TIPARP: variants seen among roughly 807,000 people sequenced by gnomAD.
TIPARP encodes the protein TCDD inducible poly(ADP-ribose) polymerase.
TIPARP carries 12 observed loss-of-function variants against 56.5 expected under a neutral mutation model. The ratio of observed to expected loss-of-function variants is 0.21; its 90% confidence interval spans 0.14 to 0.34. The LOEUF is 0.34. Among genes scored for constraint, TIPARP ranks in the 10% least tolerant of loss-of-function variants. The probability of loss-of-function intolerance (pLI) is 1.00; values close to 1 mark genes in which losing one functional copy is unlikely to be tolerated. For synonymous variants in TIPARP, 296 were observed against 265.7 expected, an observed-to-expected ratio of 1.11 and a Z score of -1.11; for missense variants, 604 against 781.6, an observed-to-expected ratio of 0.77 and a Z score of 2.71.
intron 4 of TIPARP, among the ~76,000 whole-genome samples, chr3:156,702,536 T>G (rs1037605217): frequency 6.6e-6 from 1 of 152,206 alleles, no homozygotes; most frequent in African/African-American, 2.4e-5. Flanking sequence ...TTGGCACACA[T>G]TATTACTTCC....
At chr3:156,679,338 T>C (rs141082327) in intron 2 of TIPARP, among the ~76,000 whole-genome samples, 140 of 152,322 alleles carry the variant, frequency 9.2e-4, no homozygotes, top group African/African-American at 3.3e-3. Context: ...CTCAGTTCTT[T>C]TAGTATGGAT....
At chr3:156,683,985 TA>T (rs1197365400) in intron 2 of TIPARP, among the ~76,000 whole-genome samples, 2 of 152,234 alleles carry the variant, frequency 1.3e-5, no homozygotes, top group Non-Finnish European at 2.9e-5. Flanking sequence ...CTCTTAACCT[TA>T]GCCAACAACC....
chr3:156,680,270 C>T (rs1464614641), intron 2 of TIPARP, among the ~76,000 whole-genome samples: 4 of 152,118 alleles, frequency 2.6e-5, no homozygotes, highest in African/African-American at 7.2e-5. Context: ...TAGTGAAAAT[C>T]TTATAATACA....
chr3:156,682,134 G>A (rs1368656079), intron 2 of TIPARP, among the ~76,000 whole-genome samples: 6 of 152,146 alleles, frequency 3.9e-5, no homozygotes, highest in Non-Finnish European at 5.9e-5. Context: ...ATTTTAAATT[G>A]AGCCAGAACA....
rs1010888997 is a variant in TIPARP, at chr3:156,677,645, C to A, written c.-41-12C>A. The A allele has an allele frequency of 1.4e-6, 2 of 1,481,264 alleles. No individual in the cohort carries two copies. The highest frequency in any genetic ancestry group is 4.7e-5 in the Admixed American group (2 of 42,970). The allele number at this position is 1,481,264 out of a possible 1,614,324, so 91.8% of individuals were successfully genotyped here. A position where few individuals can be genotyped will look rare whatever the true frequency, so the allele number is the denominator to read the frequency against. The stretch of plus-strand genomic sequence containing the variant: ...AGTTTGTAAATGATCATCTTCCTTC[C>A]TTTCCTCGTAGGATTTTTAGACTCT... On this transcript the variant is annotated splice_polypyrimidine_tract_variant and intron_variant, in intron 1 of 5. Transcript: ENST00000295924.
At chr3:156,699,912 T>C (rs1020381358) in intron 4 of TIPARP, among the ~76,000 whole-genome samples, 3 of 152,112 alleles carry the variant, frequency 2.0e-5, no homozygotes, top group Non-Finnish European at 4.4e-5. Flanking sequence ...AATGCAGTGA[T>C]CCTATCTACC....
intron 2 of TIPARP, among the ~76,000 whole-genome samples, chr3:156,682,803 T>G (rs1038472202): frequency 2.0e-5 from 3 of 152,254 alleles, no homozygotes; most frequent in Non-Finnish European, 4.4e-5. Context: ...TAAATTTATT[T>G]TAAAAATTTC....
At chr3:156,682,717 A>C (rs1271383193) in intron 2 of TIPARP, among the ~76,000 whole-genome samples, 1 of 152,150 alleles carries the variant, frequency 6.6e-6, no homozygotes, top group African/African-American at 2.4e-5. Flanking sequence ...ATAACACTGG[A>C]GAGAGGAGAA....
At chr3:156,684,659 C>T (rs1424858633) in intron 2 of TIPARP, among the ~76,000 whole-genome samples, 1 of 152,136 alleles carries the variant, frequency 6.6e-6, no homozygotes, top group Non-Finnish European at 1.5e-5. Context: ...CTCGAACTCC[C>T]GACCTCAGAT....
chr3:156,688,816 T>C (rs1016711975), intron 2 of TIPARP, among the ~76,000 whole-genome samples: 1 of 152,214 alleles, frequency 6.6e-6, no homozygotes, highest in African/African-American at 2.4e-5. Context: ...GCGGCAAACA[T>C]ATCCCATCTG....
intron 4 of TIPARP, among the ~76,000 whole-genome samples, chr3:156,703,156 C>T (rs1248535690): frequency 6.6e-6 from 1 of 152,128 alleles, no homozygotes; most frequent in Non-Finnish European, 1.5e-5. Context: ...TGAATTGGCT[C>T]TTGCTTGTTT....
chr3:156,681,282 AG>A, intron 2 of TIPARP: 6 of 443,250 alleles, frequency 1.4e-5, no homozygotes, highest in South Asian at 9.5e-5. Flanking sequence ...GCGCATAACC[AG>A]GAAGTGTGTG....
At chr3:156,686,866 T>C (rs1317550031) in intron 2 of TIPARP, among the ~76,000 whole-genome samples, 1 of 152,132 alleles carries the variant, frequency 6.6e-6, no homozygotes, top group East Asian at 1.9e-4. Flanking sequence ...TATATTTATG[T>C]AGAAAAAATT....
chr3:156,686,201 G>C (rs1479406024), intron 2 of TIPARP, among the ~76,000 whole-genome samples: 1 of 152,186 alleles, frequency 6.6e-6, no homozygotes, highest in Non-Finnish European at 1.5e-5. Flanking sequence ...AATGCTGGCA[G>C]ACATCAGAAG....
intron 1 of TIPARP, among the ~76,000 whole-genome samples, chr3:156,677,354 T>G (rs1024870602): frequency 3.3e-5 from 5 of 152,178 alleles, no homozygotes; most frequent in African/African-American, 9.7e-5. Context: ...CACTCTAACC[T>G]TATAGTAGAA....
intron 4 of TIPARP, among the ~76,000 whole-genome samples, chr3:156,700,692 G>A (rs1430521823): frequency 6.6e-6 from 1 of 152,188 alleles, no homozygotes; most frequent in East Asian, 1.9e-4. Flanking sequence ...GTCACCTCAT[G>A]GTCATGGGAA....
chr3:156,683,555 C>T (rs1026878689), intron 2 of TIPARP, among the ~76,000 whole-genome samples: 2 of 151,734 alleles, frequency 1.3e-5, no homozygotes, highest in East Asian at 3.9e-4. Context: ...TCATTCTGCA[C>T]ATAGTGGGCA....
At chr3:156,678,930 A>G (rs1722221891) in intron 2 of TIPARP, among the ~76,000 whole-genome samples, 1 of 152,210 alleles carries the variant, frequency 6.6e-6, no homozygotes, top group South Asian at 2.1e-4. Context: ...CTTTTGAAAG[A>G]AAGTCTGGCG....
At chr3:156,678,754 C>T in intron 2 of TIPARP, 140 bp downstream of exon 2, 1 of 712,470 alleles carries the variant, frequency 1.4e-6, no homozygotes, top group Non-Finnish European at 2.2e-6. Context: ...CTGTGCTGTC[C>T]TGATTTTTCA....
Sources: allele counts gnomAD v4.1 joint callset (sites outside exome capture counted in the v4.1 genomes callset), GRCh38; gene constraint gnomAD v4.1.1; transcripts MANE v1.5; gene names NCBI Gene and HGNC (gene_info 2026-07-23, HGNC 2026-07-21).